EHD3: variants seen among roughly 807,000 people sequenced by gnomAD.
EHD3 encodes EH domain-containing protein 3.
A neutral mutation model predicts 43.0 loss-of-function variants in EHD3; 17 were observed. The observed-to-expected ratio is 0.40, with a 90% CI of 0.27 to 0.59. The LOEUF (loss-of-function observed/expected upper bound fraction) is 0.59, where lower values mean the gene tolerates loss of function less well. EHD3 is among the 20% of genes least tolerant of loss of function. The pLI is 0.49. For synonymous variants in EHD3, 313 were observed against 289.5 expected, an observed-to-expected ratio of 1.08 and a Z score of -0.82; for missense variants, 594 against 705.6, an observed-to-expected ratio of 0.84 and a Z score of 1.79.
At chr2:31,255,420 CAG>C (rs1683730866) in intron 3 of EHD3, among the ~76,000 whole-genome samples, 1 of 152,054 alleles carries the variant, frequency 6.6e-6, no homozygotes, top group South Asian at 2.1e-4. Flanking sequence ...AGCTCTACCA[CAG>C]AGTCCTCATT....
At chr2:31,237,952 T>C (rs1195607345) in intron 1 of EHD3, among the ~76,000 whole-genome samples, 3 of 152,222 alleles carry the variant, frequency 2.0e-5, no homozygotes, top group Non-Finnish European at 4.4e-5. Flanking sequence ...ATTCTGAATA[T>C]CTCTGTGTAT....
intron 3 of EHD3, among the ~76,000 whole-genome samples, chr2:31,256,875 T>G (rs1683760824): frequency 6.6e-6 from 1 of 152,260 alleles, no homozygotes; most frequent in East Asian, 1.9e-4. Flanking sequence ...CCCCCAGCAT[T>G]GCATGGCCTT....
Position 31,251,653 on chromosome 2 carries a change from C to T in EHD3, c.502+2185C>T, listed in dbSNP as rs115340347. On this transcript the variant is annotated intron_variant, in intron 3 of 5. Coordinates refer to ENST00000322054, the MANE Select transcript of EHD3 (RefSeq NM_014600.3). The stretch of plus-strand genomic sequence containing the variant: ...AAGGGGGTCTTGGAAGACTTGATCT[C>T]CTGGCTCCCTATCTCTGGGCTGTAT... Among the ~76,000 whole-genome samples, 1,304 of 152,214 alleles carry T rather than the reference C, an allele frequency of 8.6e-3. 9 individuals are homozygous for T. Among genetic ancestry groups the T allele is most frequent in the Admixed American group, 0.016 (248 of 15,284 alleles).
intron 3 of EHD3, among the ~76,000 whole-genome samples, chr2:31,250,268 CTTTTTTTTT>C (rs34290931): frequency 1.6e-5 from 2 of 126,094 alleles, no homozygotes; most frequent in African/African-American, 5.6e-5. Flanking sequence ...TCGTTGTTTT[CTTTTTTTTT>C]TTTTTTTTGA....
intron 1 of EHD3, among the ~76,000 whole-genome samples, chr2:31,244,059 C>A (rs1381304754): frequency 6.6e-6 from 1 of 152,008 alleles, no homozygotes; most frequent in Non-Finnish European, 1.5e-5. Flanking sequence ...AAGATAAGGA[C>A]CAAAAAACAG....
intron 1 of EHD3, among the ~76,000 whole-genome samples, chr2:31,236,871 ACT>A (rs1269187908): frequency 6.6e-6 from 1 of 151,972 alleles, no homozygotes; most frequent in Non-Finnish European, 1.5e-5. Context: ...TGTCTGAGAC[ACT>A]CTCCCGGCTT....
At position 31,248,487 on chromosome 2, in the gene EHD3, G is replaced by C. The variant is rs1487192136; in HGVS notation, c.405-884G>C. ...CTCCTGGCCTCCTGTCCTGCACCAGGCTGTGCTCCTTGGAGACAGGGATCG... is the reference window on the plus strand; with the variant it reads ...CTCCTGGCCTCCTGTCCTGCACCAGCCTGTGCTCCTTGGAGACAGGGATCG... On this transcript the variant is annotated intron_variant, in intron 2 of 5. Transcript: ENST00000322054. Among the ~76,000 whole-genome samples the C allele has an allele frequency of 3.3e-5, 5 of 152,276 alleles. No homozygotes were observed. In the East Asian group the frequency reaches 9.7e-4, roughly 29 times the overall value.
rs1044584587 is a variant in EHD3, at chr2:31,268,315, T to G, written c.*1611T>G. 1 of 152,710 alleles carries G rather than the reference T, an allele frequency of 6.5e-6. No homozygotes were observed. Among genetic ancestry groups the G allele is most frequent in the African/African-American group, 2.4e-5 (1 of 41,482 alleles). 9.5% of individuals were successfully genotyped at this position (152,710 alleles called of 1,614,324 possible). ...TATTCAGACTATATAGAGAATATTC[T>G]ATGCATCTATGACGTGCTTACTACT... On this transcript the variant is annotated 3_prime_UTR_variant, in exon 6 of 6. Transcript: ENST00000322054.
intron 3 of EHD3, among the ~76,000 whole-genome samples, chr2:31,254,112 G>A (rs1372555805): frequency 1.3e-5 from 2 of 152,308 alleles, no homozygotes; most frequent in African/African-American, 2.4e-5. Context: ...TAAGGCCAGA[G>A]CAGGTTGAAA....
In EHD3 at chr2:31,267,930, A is replaced by T. The variant is rs531828935; in HGVS notation, c.*1226A>T. On this transcript the variant is annotated 3_prime_UTR_variant, in exon 6 of 6. Transcript: ENST00000322054. Reference sequence around the variant, plus strand: ...GCGCCCCATATTCCCAGCATCATAGACATCCAACAGCACCAGCAGGAGAGT... The same window carrying T: ...GCGCCCCATATTCCCAGCATCATAGTCATCCAACAGCACCAGCAGGAGAGT... 6.6e-6 allele frequency: 1 copy of T among 152,396 alleles called. No individual in the cohort carries two copies. The highest frequency in any genetic ancestry group is 1.9e-4 in the East Asian group (1 of 5,186). 9.4% of individuals were successfully genotyped at this position (152,396 alleles called of 1,614,324 possible). A position where few individuals can be genotyped will look rare whatever the true frequency, so the allele number is the denominator to read the frequency against.
chr2:31,245,744 T>G (rs1358588847), intron 2 of EHD3, among the ~76,000 whole-genome samples: 11 of 142,338 alleles, frequency 7.7e-5, no homozygotes, highest in Admixed American at 4.1e-4. Context: ...TGTTTTTTTT[T>G]TTTTTTTTTT....
Position 31,243,448 on chromosome 2 carries a change from C to CTTTTTTTTTTTTTTT in EHD3, c.228-823_228-822insTTTTTTTTTTTTTTT, listed in dbSNP as rs1310045883. ...TCTTTCTTTCTTTCTTTCTTTCTTT[C>CTTTTTTTTTTTTTTT]TTTCTTTCTTTCTTTTTTTTTTTTT... On this transcript the variant is annotated intron_variant, in intron 1 of 5. Coordinates refer to ENST00000322054, the MANE Select transcript of EHD3 (RefSeq NM_014600.3). 9.0e-5 allele frequency among the ~76,000 whole-genome samples: 6 copies of CTTTTTTTTTTTTTTT among 67,008 alleles called. 2 individuals are homozygous for CTTTTTTTTTTTTTTT. Among genetic ancestry groups the CTTTTTTTTTTTTTTT allele is most frequent in the Non-Finnish European group, 2.7e-5 (1 of 37,422 alleles). 44.0% of individuals were successfully genotyped at this position (67,008 alleles called of 152,430 possible).
At position 31,260,324 on chromosome 2, in the gene EHD3, C is replaced by T. The variant is rs113503520; in HGVS notation, c.503-186C>T. Among the ~76,000 whole-genome samples the T allele has an allele frequency of 1.1e-4, 16 of 152,128 alleles. 1 individual carries two copies. The highest frequency in any genetic ancestry group is 2.9e-4 in the African/African-American group (12 of 41,486). ...TTTAGTATTTAACAGTATTTTTAGA[C>T]GAAAAAAATTCTATGAGACATTGAG... is the stretch of plus-strand genomic sequence containing the variant. On this transcript the variant is annotated intron_variant, in intron 3 of 5. Transcript: ENST00000322054. This position sits in a 1 kb window ranked among gnomAD's most constrained non-coding sequence, Gnocchi z 4.6.
intron 2 of EHD3, among the ~76,000 whole-genome samples, chr2:31,248,310 C>T (rs1293533375): frequency 1.3e-5 from 2 of 152,180 alleles, no homozygotes; most frequent in Non-Finnish European, 2.9e-5. Flanking sequence ...TCCCATTCTT[C>T]GAGGCCAGCT....
At chr2:31,235,458 T>C (rs796824310) in intron 1 of EHD3, among the ~76,000 whole-genome samples, 17 of 152,230 alleles carry the variant, frequency 1.1e-4, no homozygotes, top group African/African-American at 2.4e-4. Flanking sequence ...GCTTTTTTTT[T>C]CCCCTTTCTC....
At chr2:31,249,988 G>A (rs1380844000) in intron 3 of EHD3, among the ~76,000 whole-genome samples, 2 of 152,078 alleles carry the variant, frequency 1.3e-5, no homozygotes, top group Non-Finnish European at 2.9e-5. Flanking sequence ...ATGGTGGTTA[G>A]AAGACAGAAC....
chr2:31,261,823 A>ATTTTTT, intron 5 of EHD3, 110 bp downstream of exon 5: 17 of 1,326,838 alleles, frequency 1.3e-5, no homozygotes, highest in South Asian at 5.9e-5. Context: ...AACCCCGCCC[A>ATTTTTT]GAATCTGCAG....
chr2:31,238,727 T>G (rs1683365369), intron 1 of EHD3, among the ~76,000 whole-genome samples: 1 of 152,238 alleles, frequency 6.6e-6, no homozygotes, highest in Admixed American at 6.5e-5. Flanking sequence ...TCCTTCTCGC[T>G]GCCTACTTCT....
At position 31,266,775 on chromosome 2, in the gene EHD3, C is replaced by A. The variant is rs1683961372; in HGVS notation, c.*71C>A. ...GGAGCGGTGACTACACACACACACA[C>A]ACACACACACACACACACAAACATG... On this transcript the variant is annotated 3_prime_UTR_variant, in exon 6 of 6. Coordinates refer to ENST00000322054, the MANE Select transcript of EHD3 (RefSeq NM_014600.3). This position sits in a 1 kb window ranked among gnomAD's most constrained non-coding sequence, Gnocchi z 5.1. The A allele has an allele frequency of 7.2e-7, 1 of 1,391,434 alleles. No homozygotes were observed. The highest frequency in any genetic ancestry group is 2.5e-5 in the East Asian group (1 of 39,454). 86.2% of individuals were successfully genotyped at this position (1,391,434 alleles called of 1,614,324 possible). A position where few individuals can be genotyped will look rare whatever the true frequency, so the allele number is the denominator to read the frequency against.
Sources: gnomAD v4.1 joint callset for allele counts (sites outside exome capture counted in the v4.1 genomes callset) on GRCh38, gnomAD v4.1.1 for gene constraint, Gnocchi (gnomAD v3.1) non-coding constraint, MANE v1.5 for transcripts, NCBI Gene and HGNC (gene_info 2026-07-23, HGNC 2026-07-21) for gene names.